PIP5K1B: variants seen among roughly 807,000 people sequenced by gnomAD.
PIP5K1B encodes the protein phosphatidylinositol-4-phosphate 5-kinase type 1 beta, also known as phosphatidylinositol 4-phosphate 5-kinase type-1 beta.
In PIP5K1B, 42 loss-of-function variants were observed where a neutral mutation model predicts 67.0. That is an observed-to-expected ratio of 0.63 (90% CI 0.49 to 0.81). The LOEUF (loss-of-function observed/expected upper bound fraction) is 0.81. PIP5K1B is among the 30% of genes least tolerant of loss of function. The probability of loss-of-function intolerance (pLI) is 0.00; values close to 1 mark genes in which losing one functional copy is unlikely to be tolerated. For missense variants in PIP5K1B, 459 were observed against 646.3 expected (o/e 0.71, Z 3.14); for synonymous variants, 214 against 231.4 (o/e 0.92, Z 0.68).
chr9:68,770,831 A>G (rs1830642164), intron 2 of PIP5K1B, among the ~76,000 whole-genome samples: 2 of 152,146 alleles, frequency 1.3e-5, no homozygotes, highest in South Asian at 2.1e-4. Flanking sequence ...CCGCTGCTGT[A>G]GTGGGTTTGG....
chr9:68,767,415 G>A (rs1330126852), intron 2 of PIP5K1B, among the ~76,000 whole-genome samples: 1 of 152,014 alleles, frequency 6.6e-6, no homozygotes, highest in Non-Finnish European at 1.5e-5. Context: ...CCAACATGGT[G>A]AAACCGCGTC....
intron 8 of PIP5K1B, among the ~76,000 whole-genome samples, chr9:68,902,281 T>G (rs958672440): frequency 8.5e-5 from 13 of 152,230 alleles, no homozygotes; most frequent in African/African-American, 3.1e-4. Context: ...CTCACAACTC[T>G]TCCTAATCCT....
intron 1 of PIP5K1B, among the ~76,000 whole-genome samples, chr9:68,724,156 C>G (rs576955510): frequency 6.6e-6 from 1 of 151,688 alleles, no homozygotes; most frequent in South Asian, 2.1e-4. Flanking sequence ...GTTCTTGGTG[C>G]CTTTGTTGAA....
At chr9:68,787,623 T>C (rs1294630823) in intron 2 of PIP5K1B, among the ~76,000 whole-genome samples, 1 of 150,998 alleles carries the variant, frequency 6.6e-6, no homozygotes, top group African/African-American at 2.4e-5. Flanking sequence ...CCAATTTTTC[T>C]TTCTAATCTT....
intron 14 of PIP5K1B, among the ~76,000 whole-genome samples, chr9:68,979,394 T>C (rs1829782993): frequency 6.6e-6 from 1 of 152,248 alleles, no homozygotes; most frequent in Admixed American, 6.5e-5. Context: ...GCCTGCTAGC[T>C]TTACACCTGT....
At chr9:68,871,518 C>T (rs1042736780) in intron 5 of PIP5K1B, among the ~76,000 whole-genome samples, 2 of 152,308 alleles carry the variant, frequency 1.3e-5, no homozygotes, top group East Asian at 3.9e-4. Context: ...CTAAGACAAG[C>T]AGTAGCTTTG....
chr9:68,759,570 T>C (rs1191188735), intron 2 of PIP5K1B, among the ~76,000 whole-genome samples: 1 of 152,026 alleles, frequency 6.6e-6, no homozygotes, highest in Non-Finnish European at 1.5e-5. Flanking sequence ...AGTAATAAAA[T>C]GGCATCCCTA....
intron 6 of PIP5K1B, among the ~76,000 whole-genome samples, chr9:68,880,485 G>A (rs1395574863): frequency 2.0e-5 from 3 of 151,912 alleles, no homozygotes; most frequent in Non-Finnish European, 2.9e-5. Context: ...TACCCCGGAG[G>A]CAAAGGTTGC....
chr9:68,850,051 G>A (rs1324881300), intron 4 of PIP5K1B, among the ~76,000 whole-genome samples: 2 of 152,160 alleles, frequency 1.3e-5, no homozygotes, highest in African/African-American at 4.8e-5. Context: ...TTTCTCACAC[G>A]CATGAAGTGC....
intron 5 of PIP5K1B, among the ~76,000 whole-genome samples, chr9:68,873,110 C>T (rs1196192098): frequency 6.6e-6 from 1 of 151,650 alleles, no homozygotes; most frequent in Non-Finnish European, 1.5e-5. Context: ...AGCATTGCCC[C>T]TCAAGCTACA....
chr9:68,707,878 T>C (rs745516166), intron 1 of PIP5K1B: 4 of 152,218 alleles, frequency 2.6e-5, no homozygotes, highest in Non-Finnish European at 5.9e-5. Flanking sequence ...AAGTCTCAAG[T>C]GTCTCACATA....
chr9:68,753,362 C>T, intron 2 of PIP5K1B, among the ~76,000 whole-genome samples: 2 of 137,054 alleles, frequency 1.5e-5, no homozygotes, highest in African/African-American at 2.8e-5. Flanking sequence ...TTTTTTGAGA[C>T]TGAGTCTTAC....
At chr9:68,809,105 T>TA (rs1301901788) in intron 2 of PIP5K1B, among the ~76,000 whole-genome samples, 2 of 152,230 alleles carry the variant, frequency 1.3e-5, no homozygotes, top group Non-Finnish European at 2.9e-5. Context: ...AAATATTCTT[T>TA]AAAAAACTCT....
chr9:68,849,332 GA>G (rs894551717), intron 4 of PIP5K1B, among the ~76,000 whole-genome samples: 11 of 151,774 alleles, frequency 7.2e-5, no homozygotes, highest in South Asian at 4.2e-4. Flanking sequence ...GTATTTGGGG[GA>G]AAAAAAAGCA....
chr9:68,839,046 T>G (rs950714937), intron 4 of PIP5K1B, among the ~76,000 whole-genome samples: 1 of 152,188 alleles, frequency 6.6e-6, no homozygotes, highest in Admixed American at 6.5e-5. Context: ...TGTGTGGAAA[T>G]TATCTTAAGA....
At chr9:68,801,253 G>A (rs995031056) in intron 2 of PIP5K1B, among the ~76,000 whole-genome samples, 1 of 152,114 alleles carries the variant, frequency 6.6e-6, no homozygotes, top group Non-Finnish European at 1.5e-5. Context: ...AAAATAACAA[G>A]CCCGGGCATG....
intron 5 of PIP5K1B, among the ~76,000 whole-genome samples, chr9:68,873,838 C>T (rs913477612): frequency 1.3e-5 from 2 of 152,124 alleles, no homozygotes; most frequent in Admixed American, 1.3e-4. Context: ...CCCAGGTCTC[C>T]CTGGACTATA....
At chr9:68,719,688 C>G (rs1433685211) in intron 1 of PIP5K1B, among the ~76,000 whole-genome samples, 1 of 152,078 alleles carries the variant, frequency 6.6e-6, no homozygotes. Flanking sequence ...AGAAACACGA[C>G]TTTTGTTTAC....
intron 4 of PIP5K1B, among the ~76,000 whole-genome samples, chr9:68,845,183 C>T (rs1300364048): frequency 6.6e-6 from 1 of 152,134 alleles, no homozygotes; most frequent in Admixed American, 6.5e-5. Context: ...GTCTCACAGC[C>T]CCCTGGTGGC....
Sources: allele counts gnomAD v4.1 joint callset (sites outside exome capture counted in the v4.1 genomes callset), GRCh38; gene constraint gnomAD v4.1.1; transcripts MANE v1.5; gene names NCBI Gene and HGNC (gene_info 2026-07-23, HGNC 2026-07-21).